DENND1A: variants seen among roughly 807,000 people sequenced by gnomAD.
The protein encoded by DENND1A is DENN domain containing 1A, also known as DENN domain-containing protein 1A.
DENND1A carries 51 observed loss-of-function variants against 113.7 expected under a neutral mutation model. That is an observed-to-expected ratio of 0.45 (90% CI 0.36 to 0.57). DENND1A has a LOEUF of 0.57. DENND1A is among the 20% of genes least tolerant of loss of function. DENND1A has a pLI of 0.00. For synonymous variants in DENND1A, 565 were observed against 570.8 expected (o/e 0.99, Z 0.14); for missense variants, 1,258 against 1,395.9 (o/e 0.90, Z 1.57).
rs543477966 is a variant in DENND1A, at chr9:123,685,625, A to C, written c.303-8836T>G. On this transcript the variant is annotated intron_variant, in intron 5 of 23. Coordinates refer to ENST00000394215, the MANE Select transcript of DENND1A (RefSeq NM_001352964.2). ...GTGGCTTTGTCATCTTATTTCTATGAGAGTATTACTTTGATTGAAGGAGAT... is the reference window on the plus strand; with the variant it reads ...GTGGCTTTGTCATCTTATTTCTATGCGAGTATTACTTTGATTGAAGGAGAT... Among the ~76,000 whole-genome samples the C allele has an allele frequency of 1.2e-4, 19 of 152,286 alleles. No individual in the cohort carries two copies. In the South Asian group the frequency reaches 2.9e-3, roughly 23 times the overall value.
At chr9:123,792,826 AAG>A (rs1220450494) in intron 2 of DENND1A, among the ~76,000 whole-genome samples, 196 bp from the exon 3 acceptor site, 7 of 152,330 alleles carry the variant, frequency 4.6e-5, no homozygotes. Context: ...AAATATAAAA[AAG>A]AAAAATTTTA....
At chr9:123,838,187 T>A (rs1377551432) in intron 2 of DENND1A, among the ~76,000 whole-genome samples, 1 of 152,148 alleles carries the variant, frequency 6.6e-6, no homozygotes, top group African/African-American at 2.4e-5. Flanking sequence ...AATCCACTAC[T>A]TACTAGCTGT....
intron 2 of DENND1A, among the ~76,000 whole-genome samples, chr9:123,857,371 A>G (rs996275260): frequency 1.3e-5 from 2 of 152,250 alleles, no homozygotes; most frequent in African/African-American, 4.8e-5. Context: ...CTTGAATAAG[A>G]AAGGAGTAAG....
At chr9:123,399,725 G>C (rs556387720) in intron 21 of DENND1A, among the ~76,000 whole-genome samples, 2 of 152,338 alleles carry the variant, frequency 1.3e-5, no homozygotes, top group East Asian at 3.9e-4. Context: ...TCTCATTTTA[G>C]GATGTGGAGC....
intron 13 of DENND1A, among the ~76,000 whole-genome samples, chr9:123,464,801 G>C (rs769557712): frequency 3.3e-5 from 5 of 151,646 alleles, no homozygotes. Context: ...TATAGCAGTG[G>C]AAGCTGGGAG....
intron 18 of DENND1A, among the ~76,000 whole-genome samples, chr9:123,443,209 A>G (rs1381740205): frequency 6.6e-6 from 1 of 152,198 alleles, no homozygotes; most frequent in Non-Finnish European, 1.5e-5. Flanking sequence ...TCCCATAACG[A>G]CAGCACAAGT....
intron 19 of DENND1A, among the ~76,000 whole-genome samples, chr9:123,425,144 T>C (rs930779180): frequency 2.6e-5 from 4 of 152,254 alleles, no homozygotes; most frequent in African/African-American, 4.8e-5. Flanking sequence ...TTCAATATTT[T>C]ATGTTTTATT....
intron 5 of DENND1A, among the ~76,000 whole-genome samples, chr9:123,729,027 C>T (rs2067961277): frequency 6.6e-6 from 1 of 152,190 alleles, no homozygotes; most frequent in African/African-American, 2.4e-5. Context: ...ACATGATTAT[C>T]TTAACAGATG....
At position 123,500,225 on chromosome 9, in the gene DENND1A, T is replaced by C. The variant is rs145056134; in HGVS notation, c.994-42328A>G. Among the ~76,000 whole-genome samples, 429 of 152,346 alleles carry C rather than the reference T, an allele frequency of 2.8e-3. 3 individuals are homozygous for C. Among genetic ancestry groups the C allele is most frequent in the African/African-American group, 0.01 (418 of 41,574 alleles). On this transcript the variant is annotated intron_variant, in intron 13 of 23. Transcript: ENST00000394215. ...TGAAGCAGGCCACCTGGATATGCCATGATCTTTGTCTCAAAATGAACAAAC... is the reference window on the plus strand; with the variant it reads ...TGAAGCAGGCCACCTGGATATGCCACGATCTTTGTCTCAAAATGAACAAAC...
chr9:123,856,294 G>A (rs527337397), intron 2 of DENND1A, among the ~76,000 whole-genome samples: 32 of 152,224 alleles, frequency 2.1e-4, no homozygotes, highest in Middle Eastern at 3.4e-3. Context: ...GCACAATATG[G>A]GGACTCAAAG....
intron 7 of DENND1A, among the ~76,000 whole-genome samples, chr9:123,668,645 G>T (rs1392501554): frequency 1.3e-5 from 2 of 152,120 alleles, no homozygotes; most frequent in Non-Finnish European, 2.9e-5. Flanking sequence ...TGTTATACCT[G>T]TGCTTTTTAT....
In DENND1A at chr9:123,827,260, C is replaced by T. The variant is rs191631866; in HGVS notation, c.89-34630G>A. ...TCACTTATAGTTCCTGTATACCTGC[C>T]TTATAATGTCAGGGTACTTGTTAGC... is the stretch of plus-strand genomic sequence containing the variant. On this transcript the variant is annotated intron_variant, in intron 2 of 23. Coordinates refer to ENST00000394215, the MANE Select transcript of DENND1A (RefSeq NM_001352964.2). Among the ~76,000 whole-genome samples, 23 of 152,014 alleles carry T rather than the reference C, an allele frequency of 1.5e-4. No individual in the cohort carries two copies. In the East Asian group the frequency reaches 4.1e-3, roughly 27 times the overall value.
chr9:123,850,527 T>C lies in DENND1A; in HGVS notation c.88+28424A>G, dbSNP rs147171444. ...CTTTATTGCGCTATTCACTTTATTG[T>C]GGTCTGCAACTAAACTGAACCTGCA... On this transcript the variant is annotated intron_variant, in intron 2 of 23. Transcript: ENST00000394215. Among the ~76,000 whole-genome samples the C allele has an allele frequency of 3.9e-4, 59 of 152,358 alleles. No homozygotes were observed. The East Asian group carries it at 0.01, about 26-fold the overall frequency.
chr9:123,664,756 C>T (rs1013500453), intron 8 of DENND1A, among the ~76,000 whole-genome samples: 6 of 152,090 alleles, frequency 3.9e-5, no homozygotes, highest in East Asian at 1.9e-4. Context: ...TTATAGTTTT[C>T]GTTCACCACC....
chr9:123,792,491 T>G, intron 3 of DENND1A, 96 bp downstream of exon 3: 1 of 1,317,616 alleles, frequency 7.6e-7, no homozygotes, highest in Non-Finnish European at 1.1e-6. Flanking sequence ...CTTCTAAAAA[T>G]TCATTTATCT....
intron 12 of DENND1A, among the ~76,000 whole-genome samples, chr9:123,560,457 C>T (rs943994560): frequency 6.6e-6 from 1 of 152,134 alleles, no homozygotes; most frequent in African/African-American, 2.4e-5. Context: ...GAAGCCAAGG[C>T]AGGAGGATCG....
intron 6 of DENND1A, among the ~76,000 whole-genome samples, chr9:123,675,621 A>C (rs1482892360): frequency 6.6e-6 from 1 of 152,226 alleles, no homozygotes; most frequent in Non-Finnish European, 1.5e-5. Context: ...GAAAAATATA[A>C]GACATTAGAT....
At chr9:123,538,720 T>C (rs1160581663) in intron 13 of DENND1A, among the ~76,000 whole-genome samples, 3 of 145,644 alleles carry the variant, frequency 2.1e-5, no homozygotes, top group African/African-American at 5.0e-5. Context: ...ATCAAATATG[T>C]TGAAATCCAC....
intron 11 of DENND1A, among the ~76,000 whole-genome samples, chr9:123,590,810 A>G (rs1442913684): frequency 2.6e-5 from 4 of 152,190 alleles, no homozygotes; most frequent in East Asian, 3.9e-4. Flanking sequence ...TTATACCTCA[A>G]TGAAGTTGAT....
Sources: gnomAD v4.1 joint callset for allele counts (sites outside exome capture counted in the v4.1 genomes callset) on GRCh38, gnomAD v4.1.1 for gene constraint, MANE v1.5 for transcripts, NCBI Gene and HGNC (gene_info 2026-07-23, HGNC 2026-07-21) for gene names.